Variants in OTOGL observed in about 807,000 individuals in gnomAD.
The protein encoded by OTOGL is otogelin-like protein.
Under a neutral mutation model 318.5 loss-of-function variants are expected in OTOGL, and 285 were observed. That is an observed-to-expected ratio of 0.89 (90% confidence interval 0.81 to 0.99). OTOGL has a LOEUF of 0.99. Ranked by LOEUF, OTOGL falls within the 50% of genes least tolerant of loss-of-function variation. The pLI is 0.00. For synonymous variants in OTOGL, 987 were observed against 936.5 expected (o/e 1.05, Z -0.99); for missense variants, 2,899 against 2,845.6 (o/e 1.02, Z -0.43).
intron 1 of OTOGL, among the ~76,000 whole-genome samples, chr12:80,113,580 C>T (rs1869977935): frequency 6.6e-6 from 1 of 152,112 alleles, no homozygotes; most frequent in African/African-American, 2.4e-5. Context: ...GTTTCTTAAT[C>T]CTGAGTTCTA....
intron 55 of OTOGL, among the ~76,000 whole-genome samples, chr12:80,370,263 T>C (rs552610730): frequency 4.6e-5 from 7 of 152,176 alleles, no homozygotes; most frequent in Admixed American, 2.0e-4. Context: ...AACAGATACC[T>C]ATTTGCTTCT....
intron 29 of OTOGL, among the ~76,000 whole-genome samples, chr12:80,310,080 T>C (rs1046373729): frequency 2.6e-5 from 4 of 152,044 alleles, no homozygotes; most frequent in Admixed American, 1.3e-4. Flanking sequence ...AAGTATTAAA[T>C]AGAATCAGAG....
chr12:80,255,773 T>C (rs1417452106), intron 16 of OTOGL, among the ~76,000 whole-genome samples: 1 of 151,972 alleles, frequency 6.6e-6, no homozygotes, highest in East Asian at 1.9e-4. Flanking sequence ...AGTCAAAATT[T>C]TGCCAAAATA....
chr12:80,304,626 A>C (rs562131161), intron 28 of OTOGL, among the ~76,000 whole-genome samples: 33 of 152,204 alleles, frequency 2.2e-4, no homozygotes, highest in Non-Finnish European at 4.3e-4. Flanking sequence ...ATCTATTCTT[A>C]GGTTTGTTGG....
chr12:80,291,570 GC>G (rs572020720), intron 26 of OTOGL, among the ~76,000 whole-genome samples: 146 of 152,298 alleles, frequency 9.6e-4, no homozygotes, highest in African/African-American at 3.4e-3. Flanking sequence ...AAAGTGATGT[GC>G]TTTACTTACT....
chr12:80,130,036 CT>C (rs561168886), intron 1 of OTOGL, among the ~76,000 whole-genome samples: 94 of 152,124 alleles, frequency 6.2e-4, no homozygotes, highest in African/African-American at 2.1e-3. Flanking sequence ...TTTCTATCTC[CT>C]TTTTTTTCTT....
intron 44 of OTOGL, chr12:80,343,531 T>C (rs1337340139): frequency 3.5e-4 from 45 of 128,524 alleles, no homozygotes; most frequent in African/African-American, 1.4e-3. Flanking sequence ...TTTTTTTTTT[T>C]TTTTTAACTT....
intron 1 of OTOGL, among the ~76,000 whole-genome samples, chr12:80,107,636 A>T (rs1178279376): frequency 6.6e-6 from 1 of 152,176 alleles, no homozygotes; most frequent in Non-Finnish European, 1.5e-5. Flanking sequence ...TCTACCATAA[A>T]GACACATGTA....
At chr12:80,198,652 G>T (rs979973360) in intron 1 of OTOGL, among the ~76,000 whole-genome samples, 2 of 152,016 alleles carry the variant, frequency 1.3e-5, no homozygotes, top group Non-Finnish European at 2.9e-5. Flanking sequence ...ACTCTCCATG[G>T]ACTTCACATC....
At chr12:80,314,660 C>A (rs1886859432) in intron 32 of OTOGL, among the ~76,000 whole-genome samples, 1 of 151,986 alleles carries the variant, frequency 6.6e-6, no homozygotes, top group Non-Finnish European at 1.5e-5. Context: ...CAAATGCATA[C>A]CTTTACCATT....
At chr12:80,246,876 C>G (rs2137470071) in intron 11 of OTOGL, among the ~76,000 whole-genome samples, 1 of 28,480 alleles carries the variant, frequency 3.5e-5, no homozygotes, top group South Asian at 1.0e-3. Flanking sequence ...TCAACTTCTT[C>G]CTGGTTTAGT....
intron 1 of OTOGL, among the ~76,000 whole-genome samples, chr12:80,154,962 A>G (rs901522817): frequency 3.9e-5 from 6 of 152,106 alleles, no homozygotes; most frequent in South Asian, 4.1e-4. Context: ...AGTGTTCTGG[A>G]TTTTGACCAT....
chr12:80,186,126 G>T (rs1875272225), intron 1 of OTOGL, among the ~76,000 whole-genome samples: 1 of 152,112 alleles, frequency 6.6e-6, no homozygotes, highest in African/African-American at 2.4e-5. Flanking sequence ...TGGCAACTTA[G>T]TCACATCTCA....
chr12:80,314,358 C>T (rs1000820952), intron 32 of OTOGL, 27 bp downstream of exon 32: 12 of 970,802 alleles, frequency 1.2e-5, no homozygotes, highest in Non-Finnish European at 1.7e-5. Context: ...TTAAAAATAT[C>T]ACTATAGTAT....
rs1156289401 is a variant in OTOGL at position 80,145,050 on chromosome 12, C to T, written c.-20+45445C>T. ...TAGTTTCTTTTGCTGTACAGAAGCT[C>T]TTTAGTTTAATTAGATCCCATTTGT... On this transcript the variant is annotated intron_variant, in intron 1 of 58. Coordinates refer to ENST00000547103, the MANE Select transcript of OTOGL (RefSeq NM_001378609.3). 3.3e-5 allele frequency among the ~76,000 whole-genome samples: 5 copies of T among 151,702 alleles called. No homozygotes were observed. The South Asian group carries it at 1.0e-3, about 31-fold the overall frequency.
rs1379271427 is a variant in OTOGL at position 80,380,188 on chromosome 12, A to G, written c.*2140A>G. On this transcript the variant is annotated 3_prime_UTR_variant, in exon 59 of 59. Transcript: ENST00000547103. Reference sequence around the variant, plus strand: ...CAAAAGAAGATAGGAGTTACAAAAGAAAATAGGGAAGAAATCTTAGATTGG... The same window carrying G: ...CAAAAGAAGATAGGAGTTACAAAAGGAAATAGGGAAGAAATCTTAGATTGG... The G allele has an allele frequency of 6.6e-6, 1 of 152,066 alleles. No individual in the cohort carries two copies. The highest frequency in any genetic ancestry group is 1.5e-5 in the Non-Finnish European group (1 of 67,930). 9.4% of individuals were successfully genotyped at this position (152,066 alleles called of 1,614,324 possible). A position where few individuals can be genotyped will look rare whatever the true frequency, so the allele number is the denominator to read the frequency against.
chr12:80,154,069 G>A (rs763202508), intron 1 of OTOGL, among the ~76,000 whole-genome samples: 1 of 152,222 alleles, frequency 6.6e-6, no homozygotes, highest in Admixed American at 6.5e-5. Flanking sequence ...AGCACTTTGG[G>A]AGGCCGAGGT....
At chr12:80,308,792 C>G (rs1886420258) in intron 29 of OTOGL, among the ~76,000 whole-genome samples, 2 of 152,240 alleles carry the variant, frequency 1.3e-5, no homozygotes, top group Non-Finnish European at 2.9e-5. Flanking sequence ...CAGCGAATCC[C>G]CGTCTCCACC....
At chr12:80,236,083 T>C (rs569636116) in intron 9 of OTOGL, among the ~76,000 whole-genome samples, 3 of 152,308 alleles carry the variant, frequency 2.0e-5, no homozygotes, top group East Asian at 1.9e-4. Context: ...GTGATTAAAA[T>C]TGCATTTCTC....
Sources: gnomAD v4.1 joint callset for allele counts (sites outside exome capture counted in the v4.1 genomes callset) on GRCh38, gnomAD v4.1.1 for gene constraint, MANE v1.5 for transcripts, NCBI Gene and HGNC (gene_info 2026-07-23, HGNC 2026-07-21) for gene names.